The following PPP2R2D variants were observed in gnomAD, a reference collection of about 807,000 sequenced individuals.
The protein encoded by PPP2R2D is serine/threonine-protein phosphatase 2A 55 kDa regulatory subunit B delta isoform.
Under a neutral mutation model 31.1 loss-of-function variants are expected in PPP2R2D, and 9 were observed. The observed-to-expected ratio is 0.29, with a 90% CI of 0.17 to 0.51. The LOEUF (loss-of-function observed/expected upper bound fraction) is 0.51. Ranked by LOEUF, PPP2R2D falls within the 20% of genes least tolerant of loss-of-function variation. The pLI is 0.98. For missense variants in PPP2R2D, 391 were observed against 465.6 expected, an observed-to-expected ratio of 0.84 and a Z score of 1.48; for synonymous variants, 179 against 172.6, an observed-to-expected ratio of 1.04 and a Z score of -0.29.
chr10:131,934,750 A>G (rs2036308112), intron 3 of PPP2R2D, 195 bp downstream of exon 3: 1 of 592,074 alleles, frequency 1.7e-6, no homozygotes, highest in Non-Finnish European at 3.2e-6. Context: ...TGAAGTCTCC[A>G]AGGCCTTTGT....
At chr10:131,939,001 G>T (rs1468825258) in intron 3 of PPP2R2D, among the ~76,000 whole-genome samples, 1 of 152,268 alleles carries the variant, frequency 6.6e-6, no homozygotes, top group African/African-American at 2.4e-5. Flanking sequence ...TACCCAGATG[G>T]TGCAGAAGCA....
intron 2 of PPP2R2D, among the ~76,000 whole-genome samples, chr10:131,926,531 A>G (rs1351954167): frequency 2.0e-5 from 3 of 152,210 alleles, no homozygotes; most frequent in African/African-American, 7.2e-5. Flanking sequence ...TAAAAAAGGT[A>G]GACAATTTCC....
chr10:131,940,321 T>C (rs553804678), intron 4 of PPP2R2D, 125 bp downstream of exon 4: 25 of 577,882 alleles, frequency 4.3e-5, no homozygotes, highest in African/African-American at 4.1e-4. Context: ...GGGTAAGTTA[T>C]CTAGGGTAGC....
chr10:131,969,117 G>GT, the PPP2R2D span: 2 of 154,586 alleles, frequency 1.3e-5, no homozygotes, highest in East Asian at 3.8e-4. Flanking sequence ...AGAATCGGAA[G>GT]CCTGGCTGGC....
At chr10:131,967,335 A>T in the PPP2R2D span, 1 of 152,244 alleles carries the variant, frequency 6.6e-6, no homozygotes, top group Admixed American at 6.5e-5. Flanking sequence ...AACAGCAAAC[A>T]TATTTGCTCT....
chr10:131,967,226 C>G, the PPP2R2D span: 4 of 138,120 alleles, frequency 2.9e-5, no homozygotes, highest in Admixed American at 7.3e-5. Flanking sequence ...GAGGGGGACA[C>G]GTGGTTGGCT....
At chr10:131,962,434 C>CAA (rs2036938003), downstream of PPP2R2D, among the ~76,000 whole-genome samples, 1 of 152,198 alleles carries the variant, frequency 6.6e-6, no homozygotes, top group Non-Finnish European at 1.5e-5. Context: ...TGGTTAAAGT[C>CAA]ACGTTCCGTT....
chr10:131,940,467 C>G, intron 4 of PPP2R2D, 115 bp from the exon 5 acceptor site: 2 of 624,578 alleles, frequency 3.2e-6, no homozygotes, highest in Middle Eastern at 3.0e-4. Flanking sequence ...TTCAGAGACC[C>G]CATAGCTTAT....
At chr10:131,969,783 G>A in the PPP2R2D span, 1 of 152,406 alleles carries the variant, frequency 6.6e-6, no homozygotes, top group Non-Finnish European at 1.5e-5. Context: ...CCGAGGAGGA[G>A]CCGTTTTGGC....
At position 131,957,991 on chromosome 10, in the gene PPP2R2D, G is replaced by C. The variant is rs2036842064; in HGVS notation, c.*2028G>C. 1 of 153,278 alleles carries C rather than the reference G, an allele frequency of 6.5e-6. No homozygotes were observed. The highest frequency in any genetic ancestry group is 2.8e-5 in the African/African-American group (1 of 35,996). The allele number at this position is 153,278 out of a possible 1,614,324, so 9.5% of individuals were successfully genotyped here. ...GGGTGTGCTGATCCCCCGTGCCCCT[G>C]TGGACATGGAGGCGTGTGCTGATCC... On this transcript the variant is annotated 3_prime_UTR_variant, in exon 9 of 9. Transcript: ENST00000455566.
intron 2 of PPP2R2D, among the ~76,000 whole-genome samples, chr10:131,915,378 T>C (rs2035759993): frequency 3.3e-5 from 5 of 152,148 alleles, no homozygotes; most frequent in Admixed American, 2.0e-4. Context: ...CCACCTCACA[T>C]TGGGATAGGT....
At chr10:131,905,991 A>G (rs992301227) in intron 2 of PPP2R2D, among the ~76,000 whole-genome samples, 9 of 152,392 alleles carry the variant, frequency 5.9e-5, no homozygotes, top group Admixed American at 2.0e-4. Flanking sequence ...ATAGAAGATT[A>G]GTAACAAGGA....
rs1400506348 is a variant in PPP2R2D at position 131,958,656 on chromosome 10, CT to C, written c.*2694del. 1 of 251,864 alleles carries C rather than the reference CT, an allele frequency of 4.0e-6. No individual in the cohort carries two copies. The highest frequency in any genetic ancestry group is 7.7e-6 in the Non-Finnish European group (1 of 129,542). The allele number at this position is 251,864 out of a possible 1,614,324, so 15.6% of individuals were successfully genotyped here. On this transcript the variant is annotated 3_prime_UTR_variant, in exon 9 of 9. Transcript: ENST00000455566. Reference sequence around the variant, plus strand: ...AGGTGTGTGCTGATCCCCCATCCCCCTGTGGAGATGAAGATGTGTGCTGATC... The same window carrying C: ...AGGTGTGTGCTGATCCCCCATCCCCCGTGGAGATGAAGATGTGTGCTGATC...
chr10:131,970,914 G>A, the PPP2R2D span: 5 of 1,614,208 alleles, frequency 3.1e-6, no homozygotes, highest in Non-Finnish European at 4.2e-6. This position sits in a 1 kb window ranked among gnomAD's most constrained non-coding sequence, Gnocchi z 4.1. Context: ...TCCAATCTGA[G>A]TTTTTCTTCA....
At chr10:131,960,135 C>T (rs1235348834), downstream of PPP2R2D, among the ~76,000 whole-genome samples, 1 of 152,246 alleles carries the variant, frequency 6.6e-6, no homozygotes, top group Non-Finnish European at 1.5e-5. Context: ...TTCTGAGAGG[C>T]GCTGGCAATT....
At chr10:131,970,402 A>T in the PPP2R2D span, 7 of 591,338 alleles carry the variant, frequency 1.2e-5, no homozygotes, top group Non-Finnish European at 1.2e-5. This position sits in a 1 kb window ranked among gnomAD's most constrained non-coding sequence, Gnocchi z 4.1. Context: ...TTCAGTGAGC[A>T]ACAGGCAGAC....
At position 131,958,359 on chromosome 10, in the gene PPP2R2D, C is replaced by CCA. The variant is rs2036855155; in HGVS notation, c.*2397_*2398insAC. 5.4e-5 allele frequency: 10 copies of CCA among 185,510 alleles called. No homozygotes were observed. The highest frequency in any genetic ancestry group is 8.5e-5 in the South Asian group (1 of 11,812). 11.5% of individuals were successfully genotyped at this position (185,510 alleles called of 1,614,324 possible). ...AAGGGGTGTGCTGATCCCCCGTCTT[C>CCA]CTGTGGAGATGAAGGTGTGTGCTGA... On this transcript the variant is annotated 3_prime_UTR_variant, in exon 9 of 9. Transcript: ENST00000455566.
chr10:131,941,560 G>A (rs1554897252), intron 5 of PPP2R2D, among the ~76,000 whole-genome samples: 1 of 152,058 alleles, frequency 6.6e-6, no homozygotes, highest in African/African-American at 2.4e-5. Flanking sequence ...TGCGGGGGGT[G>A]GGTGGTTGAG....
intron 2 of PPP2R2D, 87 bp from the exon 3 acceptor site, chr10:131,934,371 C>G (rs545881935): frequency 5.3e-5 from 37 of 694,402 alleles, no homozygotes; most frequent in Middle Eastern, 5.0e-4. Flanking sequence ...TGTTTATCGT[C>G]CTTTTGCTCT....
Sources: allele counts gnomAD v4.1 joint callset (sites outside exome capture counted in the v4.1 genomes callset), GRCh38; gene constraint gnomAD v4.1.1; non-coding constraint Gnocchi (gnomAD v3.1); transcripts MANE v1.5; gene names NCBI Gene and HGNC (gene_info 2026-07-23, HGNC 2026-07-21).